Variants in DGKB observed in about 807,000 individuals in gnomAD.
The protein encoded by DGKB is 90 kDa diacylglycerol kinase.
DGKB carries 67 observed loss-of-function variants against 114.3 expected under a neutral mutation model. The ratio of observed to expected loss-of-function variants is 0.59; its 90% CI spans 0.48 to 0.72. DGKB has a LOEUF of 0.72. DGKB is among the 30% of genes least tolerant of loss of function. The pLI is 0.00. For missense variants in DGKB, 907 were observed against 975.2 expected (o/e 0.93, Z 0.93); for synonymous variants, 398 against 323.1 (o/e 1.23, Z -2.49).
chr7:14,864,190 A>T (rs1051149276), intron 1 of DGKB, among the ~76,000 whole-genome samples: 3 of 151,682 alleles, frequency 2.0e-5, no homozygotes, highest in Non-Finnish European at 4.4e-5. Context: ...TTTTATAATT[A>T]TATGATTTTT....
rs540395308 is a variant in DGKB, at chr7:14,532,585, A to G, written c.1770+41627T>C. 3.3e-5 allele frequency among the ~76,000 whole-genome samples: 5 copies of G among 151,692 alleles called. No homozygotes were observed. The East Asian group carries it at 9.6e-4, about 29-fold the overall frequency. ...ATAAAACAGTGAATATATAAGAAATACATAATAATAATAAATGTATATACA... is the reference window on the plus strand; with the variant it reads ...ATAAAACAGTGAATATATAAGAAATGCATAATAATAATAAATGTATATACA... On this transcript the variant is annotated intron_variant, in intron 20 of 25. Transcript: ENST00000402815.
At chr7:14,912,305 G>T (rs868166665) in intron 1 of DGKB, among the ~76,000 whole-genome samples, 1 of 152,064 alleles carries the variant, frequency 6.6e-6, no homozygotes, top group Non-Finnish European at 1.5e-5. Flanking sequence ...GTTTCTTTTA[G>T]TTAGTCAACT....
intron 23 of DGKB, among the ~76,000 whole-genome samples, chr7:14,236,845 T>A (rs1792866971): frequency 6.6e-6 from 1 of 151,974 alleles, no homozygotes; most frequent in South Asian, 2.1e-4. Context: ...AACAGTCGTG[T>A]AGACCCCTAA....
At chr7:14,910,375 C>A (rs73287022) in intron 1 of DGKB, among the ~76,000 whole-genome samples, 1,540 of 151,786 alleles carry the variant, frequency 0.01, 37 homozygotes, top group African/African-American at 0.036. Flanking sequence ...AAAAAACACA[C>A]CTATGATAAG....
At chr7:14,643,884 A>T (rs1372879029) in intron 13 of DGKB, among the ~76,000 whole-genome samples, 2 of 152,070 alleles carry the variant, frequency 1.3e-5, no homozygotes, top group Admixed American at 6.5e-5. Flanking sequence ...AGCCCAAAAA[A>T]CTGACCTCTC....
chr7:14,473,468 A>C (rs1204753672), intron 21 of DGKB, among the ~76,000 whole-genome samples: 1 of 152,196 alleles, frequency 6.6e-6, no homozygotes, highest in African/African-American at 2.4e-5. Flanking sequence ...TCTCACAGAG[A>C]ACCTCTGCTA....
At chr7:14,797,925 G>A (rs556300935) in intron 2 of DGKB, among the ~76,000 whole-genome samples, 204 of 152,288 alleles carry the variant, frequency 1.3e-3, no homozygotes, top group African/African-American at 4.5e-3. Flanking sequence ...AAGGTACATG[G>A]ACACCGGAGA....
At position 14,718,611 on chromosome 7, in the gene DGKB, T is replaced by A; in HGVS notation, c.397A>T (p.Ile133Phe). 1 of 1,612,066 alleles carries A rather than the reference T, an allele frequency of 6.2e-7. No homozygotes were observed. ...TAACAGACAATGTCCTTCAGATGGA[T>A]TACTTCTGGGGAACACGTATTTGCA... is the stretch of plus-strand genomic sequence containing the variant. ...SPANTCSPEV[I>F]HLKDIVCYLS... is the part of the protein sequence containing the mutation. Residue 133 changes from isoleucine (I) to phenylalanine (F), a missense_variant, in exon 6 of 26, where the codon ATC (isoleucine) becomes TTC (phenylalanine). Ile to Phe is a conservative substitution (Grantham distance 21). This residue lies in a region of DGKB where 814 missense variants were observed against 856.6 expected (regional missense o/e 0.95). Transcript: ENST00000402815.
chr7:14,948,155 A>G (rs1467261723), intron 1 of DGKB, among the ~76,000 whole-genome samples: 2 of 151,868 alleles, frequency 1.3e-5, no homozygotes, highest in African/African-American at 2.4e-5. Context: ...CAAGAATGTA[A>G]CAAAGCATCT....
chr7:14,625,108 C>T (rs1171771064), intron 14 of DGKB, among the ~76,000 whole-genome samples: 1 of 151,980 alleles, frequency 6.6e-6, no homozygotes, highest in African/African-American at 2.4e-5. Context: ...AGGTATATAA[C>T]AAGTTAATTT....
chr7:14,732,923 A>T (rs1028226823), intron 5 of DGKB, among the ~76,000 whole-genome samples: 2 of 152,204 alleles, frequency 1.3e-5, no homozygotes, highest in Admixed American at 1.3e-4. Context: ...TATGTGATAC[A>T]GTTATTTAGA....
intron 13 of DGKB, among the ~76,000 whole-genome samples, chr7:14,642,739 A>T (rs1287799970): frequency 6.6e-6 from 1 of 152,220 alleles, no homozygotes; most frequent in Non-Finnish European, 1.5e-5. Context: ...TTTTGGCACA[A>T]ACTTACTACA....
At chr7:14,186,600 A>G (rs965479822) in intron 23 of DGKB, among the ~76,000 whole-genome samples, 1 of 152,224 alleles carries the variant, frequency 6.6e-6, no homozygotes, top group Non-Finnish European at 1.5e-5. Context: ...TCACAATTGC[A>G]AAATTGTGGA....
At chr7:14,548,784 T>C (rs913234579) in intron 20 of DGKB, among the ~76,000 whole-genome samples, 10 of 152,010 alleles carry the variant, frequency 6.6e-5, no homozygotes, top group African/African-American at 2.4e-4. Flanking sequence ...GGCACGGTGA[T>C]TGCAACAGTA....
intron 5 of DGKB, among the ~76,000 whole-genome samples, chr7:14,727,091 T>A: frequency 6.6e-6 from 1 of 152,338 alleles, no homozygotes; most frequent in Non-Finnish European, 1.5e-5. Flanking sequence ...TAAATATTTT[T>A]GAACATGAAA....
intron 2 of DGKB, among the ~76,000 whole-genome samples, chr7:14,784,505 A>C (rs956000874): frequency 2.6e-5 from 4 of 151,224 alleles, no homozygotes; most frequent in African/African-American, 9.7e-5. Flanking sequence ...CCTCCCCAGT[A>C]GCTGGGTATA....
intron 1 of DGKB, among the ~76,000 whole-genome samples, chr7:14,947,486 C>G (rs1314008766): frequency 6.5e-5 from 9 of 137,578 alleles, no homozygotes; most frequent in African/African-American, 1.1e-4. Context: ...TTAACTGAAG[C>G]ATTTATGTTA....
At chr7:14,847,778 G>A (rs376112404) in intron 1 of DGKB, among the ~76,000 whole-genome samples, 1 of 152,100 alleles carries the variant, frequency 6.6e-6, no homozygotes, top group African/African-American at 2.4e-5. Context: ...AGAAAGCCAG[G>A]TTTATTTAAA....
chr7:14,567,441 AT>A (rs1429490182), intron 20 of DGKB, among the ~76,000 whole-genome samples: 4 of 59,076 alleles, frequency 6.8e-5, no homozygotes, highest in Non-Finnish European at 1.2e-4. Context: ...ATATAATTAT[AT>A]TATATATTAT....
Sources: gnomAD v4.1 joint callset for allele counts (sites outside exome capture counted in the v4.1 genomes callset) on GRCh38, gnomAD v4.1.1 for gene constraint, gnomAD v4.1.1 regional missense constraint, MANE v1.5 for transcripts, NCBI Gene and HGNC (gene_info 2026-07-23, HGNC 2026-07-21) for gene names.